CNTNAP5: variants seen among roughly 807,000 people sequenced by gnomAD.
CNTNAP5 encodes the protein contactin associated protein family member 5.
Under a neutral mutation model 150.2 loss-of-function variants are expected in CNTNAP5, and 72 were observed. That is an observed-to-expected ratio of 0.48 (90% CI 0.40 to 0.58). CNTNAP5 has a LOEUF of 0.58. Among genes scored for constraint, CNTNAP5 ranks in the 20% least tolerant of loss-of-function variants. The probability of loss-of-function intolerance (pLI) is 0.00; values close to 1 mark genes in which losing one functional copy is unlikely to be tolerated. For missense variants in CNTNAP5, 1,636 were observed against 1,626.2 expected (o/e 1.01, Z -0.10); for synonymous variants, 672 against 619.8 (o/e 1.08, Z -1.25).
At chr2:124,437,465 T>C (rs912028744) in intron 5 of CNTNAP5, among the ~76,000 whole-genome samples, 1 of 152,188 alleles carries the variant, frequency 6.6e-6, no homozygotes, top group African/African-American at 2.4e-5. Context: ...GTGATTAGTG[T>C]AGCTACTATT....
At chr2:124,139,408 C>T (rs773784481) in intron 1 of CNTNAP5, among the ~76,000 whole-genome samples, 8 of 152,006 alleles carry the variant, frequency 5.3e-5, no homozygotes, top group African/African-American at 1.7e-4. Flanking sequence ...AGTTCAATGA[C>T]GCTCCCTAAA....
intron 18 of CNTNAP5, among the ~76,000 whole-genome samples, chr2:124,797,727 T>G (rs1681876729): frequency 2.0e-5 from 3 of 152,188 alleles, no homozygotes; most frequent in African/African-American, 7.2e-5. Flanking sequence ...AGTGTATTTC[T>G]CTATGCACTA....
intron 8 of CNTNAP5, among the ~76,000 whole-genome samples, chr2:124,505,229 G>A (rs1387629736): frequency 6.6e-6 from 1 of 152,058 alleles, no homozygotes; most frequent in African/African-American, 2.4e-5. Context: ...TCTTCACCAT[G>A]CTTACGGAAG....
At chr2:124,196,353 G>C (rs1685584712) in intron 1 of CNTNAP5, among the ~76,000 whole-genome samples, 1 of 152,120 alleles carries the variant, frequency 6.6e-6, no homozygotes, top group Non-Finnish European at 1.5e-5. Context: ...GTTATCTCAT[G>C]TTACAGTAAG....
chr2:124,695,206 A>G (rs971166307), intron 13 of CNTNAP5, among the ~76,000 whole-genome samples: 15 of 152,184 alleles, frequency 9.9e-5, no homozygotes, highest in African/African-American at 3.6e-4. Context: ...TTACCGTACC[A>G]CCATGCAGTT....
At chr2:124,259,705 G>C (rs1212408060) in intron 3 of CNTNAP5, among the ~76,000 whole-genome samples, 1 of 152,020 alleles carries the variant, frequency 6.6e-6, no homozygotes, top group Non-Finnish European at 1.5e-5. Flanking sequence ...TGATGGGGTT[G>C]TTTGTTTACA....
At chr2:124,206,487 AG>A (rs1685865431) in intron 1 of CNTNAP5, among the ~76,000 whole-genome samples, 1 of 152,118 alleles carries the variant, frequency 6.6e-6, no homozygotes, top group African/African-American at 2.4e-5. Context: ...CCTCAACCAC[AG>A]TGTTGGGGCA....
At chr2:124,531,995 C>A (rs1417546151) in intron 10 of CNTNAP5, among the ~76,000 whole-genome samples, 1 of 152,026 alleles carries the variant, frequency 6.6e-6, no homozygotes, top group African/African-American at 2.4e-5. Context: ...TAAAGTTCTG[C>A]CAGGAATTCT....
chr2:124,096,834 G>C (rs1175978686), intron 1 of CNTNAP5, among the ~76,000 whole-genome samples: 1 of 151,946 alleles, frequency 6.6e-6, no homozygotes, highest in African/African-American at 2.4e-5. Flanking sequence ...CTCCCGAGTA[G>C]CTGGGACTAC....
chr2:124,663,836 G>T (rs1031992138), intron 13 of CNTNAP5, among the ~76,000 whole-genome samples: 19 of 152,142 alleles, frequency 1.2e-4, no homozygotes, highest in Non-Finnish European at 2.9e-5. Context: ...ATTCCACAAT[G>T]AATTCCTCCC....
intron 13 of CNTNAP5, among the ~76,000 whole-genome samples, chr2:124,713,406 C>T (rs1387242732): frequency 7.1e-6 from 1 of 139,932 alleles, no homozygotes; most frequent in Non-Finnish European, 1.5e-5. Context: ...GAGATAGAGT[C>T]TTGCTCTGTC....
At chr2:124,169,503 G>T (rs1027717111) in intron 1 of CNTNAP5, among the ~76,000 whole-genome samples, 4 of 152,148 alleles carry the variant, frequency 2.6e-5, no homozygotes, top group African/African-American at 9.7e-5. Flanking sequence ...AAACCGCAAA[G>T]ACTTGACATT....
intron 19 of CNTNAP5, among the ~76,000 whole-genome samples, chr2:124,802,447 ATTAGT>A (rs1681989969): frequency 6.6e-6 from 1 of 152,214 alleles, no homozygotes; most frequent in African/African-American, 2.4e-5. Context: ...ACAAAAAGAA[ATTAGT>A]TTAATTTCTG....
chr2:124,450,257 C>T (rs1692933109), intron 6 of CNTNAP5, among the ~76,000 whole-genome samples: 1 of 151,486 alleles, frequency 6.6e-6, no homozygotes, highest in Admixed American at 6.6e-5. Context: ...ATATATACTT[C>T]TGATATATAT....
intron 2 of CNTNAP5, among the ~76,000 whole-genome samples, chr2:124,226,021 A>G (rs889028114): frequency 6.6e-6 from 1 of 152,130 alleles, no homozygotes; most frequent in Non-Finnish European, 1.5e-5. Context: ...TTGATCAAGA[A>G]ACACTTAGGT....
intron 11 of CNTNAP5, among the ~76,000 whole-genome samples, chr2:124,581,485 G>T (rs1696411007): frequency 6.6e-6 from 1 of 152,074 alleles, no homozygotes; most frequent in Non-Finnish European, 1.5e-5. Flanking sequence ...CAATTTTCTA[G>T]CACGACAACA....
intron 3 of CNTNAP5, among the ~76,000 whole-genome samples, chr2:124,258,371 CGCT>C (rs2104597757): frequency 6.6e-6 from 1 of 152,176 alleles, no homozygotes; most frequent in Admixed American, 6.5e-5. Flanking sequence ...GGATTGATGA[CGCT>C]GCTGAGGAAA....
At chr2:124,450,221 T>C (rs1692931815) in intron 6 of CNTNAP5, among the ~76,000 whole-genome samples, 1 of 151,684 alleles carries the variant, frequency 6.6e-6, no homozygotes, top group Non-Finnish European at 1.5e-5. Flanking sequence ...CTCTGATATA[T>C]ACTTCTGATA....
chr2:124,255,969 G>A (rs895292043), intron 3 of CNTNAP5, among the ~76,000 whole-genome samples: 8 of 151,946 alleles, frequency 5.3e-5, no homozygotes, highest in Non-Finnish European at 1.2e-4. Context: ...AAGATTGTTT[G>A]AAAAAAATAC....
Sources: allele counts gnomAD v4.1 joint callset (sites outside exome capture counted in the v4.1 genomes callset), GRCh38; gene constraint gnomAD v4.1.1; transcripts MANE v1.5; gene names NCBI Gene and HGNC (gene_info 2026-07-23, HGNC 2026-07-21).